Variants in FGD5 observed in about 807,000 individuals in gnomAD.
FGD5 encodes FYVE, RhoGEF and PH domain-containing protein 5.
In FGD5, 28 loss-of-function variants were observed where a neutral mutation model predicts 133.4. The ratio of observed to expected loss-of-function variants is 0.21; its 90% CI spans 0.16 to 0.29. The LOEUF is 0.29. Among genes scored for constraint, FGD5 ranks in the 10% least tolerant of loss-of-function variants. The pLI, the probability that FGD5 is intolerant of heterozygous loss-of-function variation, is 1.00. For synonymous variants in FGD5, 810 were observed against 776.5 expected (o/e 1.04, Z -0.72); for missense variants, 1,858 against 1,895.2 (o/e 0.98, Z 0.36).
chr3:14,859,883 C>G (rs1575213574), intron 1 of FGD5, among the ~76,000 whole-genome samples: 1 of 86,534 alleles, frequency 1.2e-5, no homozygotes, highest in African/African-American at 4.2e-5. Flanking sequence ...TCGAACCACT[C>G]CCCCCCCAAA....
chr3:14,820,024 A>T lies in FGD5; in HGVS notation c.953A>T (p.Asp318Val), dbSNP rs373295266. ...GCCACCCTGGAGGACCATGCACAGG[A>T]TGAGTCCGCCGAGGAGAGCTGCCAG... is the stretch of plus-strand genomic sequence containing the variant. ...AAATLEDHAQ[D>V]ESAEESCQIV... Residue 318 changes from aspartate (D) to valine (V), a missense_variant, in exon 1 of 20, where the codon GAT becomes GTT. By Grantham distance (152) the Asp-to-Val change is radical. This residue lies in a region of FGD5 where 1,824 missense variants were observed against 1,848.9 expected (regional missense o/e 0.99). Transcript: ENST00000285046. The T allele has an allele frequency of 1.6e-5, 26 of 1,613,980 alleles. No individual in the cohort carries two copies. The highest frequency in any genetic ancestry group is 8.9e-5 in the East Asian group (4 of 44,872).
intron 10 of FGD5, among the ~76,000 whole-genome samples, chr3:14,909,765 T>TC (rs68017649): frequency 1.3e-5 from 2 of 150,258 alleles, no homozygotes; most frequent in East Asian, 3.9e-4. Flanking sequence ...TCTTTTCTTT[T>TC]TTTTTTTTTT....
chr3:14,860,333 C>G (rs189964047), intron 1 of FGD5, among the ~76,000 whole-genome samples: 1 of 152,240 alleles, frequency 6.6e-6, no homozygotes, highest in African/African-American at 2.4e-5. Flanking sequence ...ACGTCTTTCA[C>G]TTTCCTGAAG....
At position 14,860,621 on chromosome 3, in the gene FGD5, G is replaced by A. The variant is rs138050632; in HGVS notation, c.2526-3507G>A. Reference sequence around the variant, plus strand: ...TGAGGTCTGTGCACCTCCAATATGAGCAAGATAACTTTAGTCAAACACGTT... The same window carrying A: ...TGAGGTCTGTGCACCTCCAATATGAACAAGATAACTTTAGTCAAACACGTT... On this transcript the variant is annotated intron_variant, in intron 1 of 19. Transcript: ENST00000285046. Among the ~76,000 whole-genome samples, 170 of 152,284 alleles carry A rather than the reference G, an allele frequency of 1.1e-3. 3 individuals are homozygous for A. The East Asian group carries it at 0.026, about 23-fold the overall frequency.
chr3:14,873,377 G>T (rs1389074760), intron 2 of FGD5, among the ~76,000 whole-genome samples: 1 of 152,228 alleles, frequency 6.6e-6, no homozygotes, highest in Non-Finnish European at 1.5e-5. Flanking sequence ...AGGCTTCCAG[G>T]AGGTGGTGAG....
At chr3:14,816,795 G>A (rs1377612207), upstream of FGD5, among the ~76,000 whole-genome samples, 2 of 152,246 alleles carry the variant, frequency 1.3e-5, no homozygotes, top group Non-Finnish European at 2.9e-5. Context: ...TTGTATGGAT[G>A]TCAGTGGCTG....
chr3:14,882,904 C>G (rs1014615003), intron 4 of FGD5, among the ~76,000 whole-genome samples: 2 of 152,124 alleles, frequency 1.3e-5, no homozygotes, highest in Non-Finnish European at 2.9e-5. Flanking sequence ...GAATCTATCC[C>G]TGGTTGCTAA....
chr3:14,924,207 C>T lies in FGD5; in HGVS notation c.4068+69C>T, dbSNP rs558899461. ...AAGGTTCATGGTCATCCTGGGTAGACGGAGTCAGACCCTGCCCTGTCCCAG... is the reference window on the plus strand; with the variant it reads ...AAGGTTCATGGTCATCCTGGGTAGATGGAGTCAGACCCTGCCCTGTCCCAG... On this transcript the variant is annotated intron_variant, in intron 17 of 19. Coordinates refer to ENST00000285046, the MANE Select transcript of FGD5 (RefSeq NM_152536.4). 119 of 1,607,714 alleles carry T rather than the reference C, an allele frequency of 7.4e-5. No homozygotes were observed. The African/African-American group carries it at 1.3e-3, about 17-fold the overall frequency.
Position 14,922,155 on chromosome 3 carries a change from C to A in FGD5, c.3669+138C>A. 9.6e-7 allele frequency: 1 copy of A among 1,037,920 alleles called. No individual in the cohort carries two copies. The highest frequency in any genetic ancestry group is 1.4e-6 in the Non-Finnish European group (1 of 705,688). The allele number at this position is 1,037,920 out of a possible 1,614,324, so 64.3% of individuals were successfully genotyped here. A position where few individuals can be genotyped will look rare whatever the true frequency, so the allele number is the denominator to read the frequency against. ...GCACTGGCTCCCCCCACACCCCTGC[C>A]ATGCTCCCACCCTAGTCAGGGGCGG... On this transcript the variant is annotated intron_variant, in intron 14 of 19. Transcript: ENST00000285046. This position sits in a 1 kb window ranked among gnomAD's most constrained non-coding sequence, Gnocchi z 4.1.
Position 14,871,681 on chromosome 3 carries a change from G to A in FGD5, c.2658+7421G>A, listed in dbSNP as rs553394660. Among the ~76,000 whole-genome samples the A allele has an allele frequency of 5.9e-5, 9 of 152,308 alleles. No individual in the cohort carries two copies. The South Asian group carries it at 1.5e-3, about 25-fold the overall frequency. On this transcript the variant is annotated intron_variant, in intron 2 of 19. Transcript: ENST00000285046. The stretch of plus-strand genomic sequence containing the variant: ...TCCTGGGTACGTGTATGCCTCACAC[G>A]CCTTGCTGAGGTCCTTGGGGGGCTT...
chr3:14,922,043 G>A lies in FGD5; in HGVS notation c.3669+26G>A. On this transcript the variant is annotated intron_variant, in intron 14 of 19. Transcript: ENST00000285046. The surrounding 1 kb of genome is among the most constrained non-coding windows in gnomAD (Gnocchi z 4.1). ...GTGAGTGGGTGGGCAGGGCCCACGGGCCACCAGCTTCAGAGACCTGGGGTT... is the reference window on the plus strand; with the variant it reads ...GTGAGTGGGTGGGCAGGGCCCACGGACCACCAGCTTCAGAGACCTGGGGTT... 1.3e-6 allele frequency: 2 copies of A among 1,549,464 alleles called. No homozygotes were observed. The highest frequency in any genetic ancestry group is 1.7e-6 in the Non-Finnish European group (2 of 1,145,074).
intron 1 of FGD5, among the ~76,000 whole-genome samples, chr3:14,862,508 G>T (rs1225781929): frequency 6.6e-6 from 1 of 152,176 alleles, no homozygotes; most frequent in African/African-American, 2.4e-5. Flanking sequence ...TGCAGCGGAG[G>T]TGGAGGTGAC....
intron 11 of FGD5, among the ~76,000 whole-genome samples, chr3:14,915,762 G>C (rs1274589472): frequency 6.6e-6 from 1 of 152,108 alleles, no homozygotes; most frequent in African/African-American, 2.4e-5. Flanking sequence ...CCTGGTTCAT[G>C]TTCCCAGGTG....
chr3:14,927,190 G>C (rs2038818898), intron 18 of FGD5, among the ~76,000 whole-genome samples: 1 of 152,236 alleles, frequency 6.6e-6, no homozygotes, highest in African/African-American at 2.4e-5. Context: ...GAGCGGCTTG[G>C]GTACCCGGTA....
At position 14,880,637 on chromosome 3, in the gene FGD5, C is replaced by G. The variant is rs372140205; in HGVS notation, c.2717+7C>G. Reference sequence around the variant, plus strand: ...TGCTATCTTCAGAGAAAGCGTGAGTCCCCAAGGAGCTGCCTGTGGCCTTGA... The same window carrying G: ...TGCTATCTTCAGAGAAAGCGTGAGTGCCCAAGGAGCTGCCTGTGGCCTTGA... On this transcript the variant is annotated splice_region_variant and intron_variant, in intron 3 of 19. Coordinates refer to ENST00000285046, the MANE Select transcript of FGD5 (RefSeq NM_152536.4). 1.8e-5 allele frequency: 29 copies of G among 1,613,852 alleles called. No homozygotes were observed. In the African/African-American group the frequency reaches 2.5e-4, roughly 14 times the overall value.
At chr3:14,886,627 G>C (rs540733735) in intron 4 of FGD5, among the ~76,000 whole-genome samples, 2 of 152,310 alleles carry the variant, frequency 1.3e-5, no homozygotes, top group South Asian at 2.1e-4. Flanking sequence ...TCCCTCCTCT[G>C]CACTCCCTCT....
intron 9 of FGD5, among the ~76,000 whole-genome samples, chr3:14,902,684 T>G (rs1160323279): frequency 1.3e-5 from 2 of 152,196 alleles, no homozygotes; most frequent in African/African-American, 4.8e-5. Context: ...TTTGGCATCT[T>G]GTACATACAG....
Position 14,898,081 on chromosome 3 carries a change from G to A in FGD5, c.3052G>A (p.Val1018Ile), listed in dbSNP as rs777806990. ...CCACTCTCCCCGGCTGGCAGCTGCT[G>A]TCCGTGAATTTGAGGTGGGTCCCTT... ...CLHSPRLAAA[V>I]REFEQSVQGG... The change falls in exon 6 of 20, where the codon GTC becomes ATC. Residue 1018 changes from valine (V) to isoleucine (I), a missense_variant. By Grantham distance (29) the Val-to-Ile change is conservative. Coordinates refer to ENST00000285046, the MANE Select transcript of FGD5 (RefSeq NM_152536.4). The A allele has an allele frequency of 6.2e-7, 1 of 1,614,042 alleles. No homozygotes were observed. The highest frequency in any genetic ancestry group is 1.7e-5 in the Admixed American group (1 of 60,028).
intron 9 of FGD5, among the ~76,000 whole-genome samples, chr3:14,904,905 C>G (rs941471830): frequency 3.3e-5 from 5 of 152,248 alleles, no homozygotes; most frequent in Non-Finnish European, 7.3e-5. Context: ...CCTCTTGCCT[C>G]AGCCTTCCAA....
Sources: allele counts gnomAD v4.1 joint callset (sites outside exome capture counted in the v4.1 genomes callset), GRCh38; gene constraint gnomAD v4.1.1; regional missense constraint gnomAD v4.1.1; non-coding constraint Gnocchi (gnomAD v3.1); transcripts MANE v1.5; gene names NCBI Gene and HGNC (gene_info 2026-07-23, HGNC 2026-07-21).